The following TAFA2 variants were observed in gnomAD, a reference collection of about 807,000 sequenced individuals.
TAFA2 encodes the protein chemokine-like protein TAFA-2.
TAFA2 carries 7 observed loss-of-function variants against 18.8 expected under a neutral mutation model. The observed-to-expected ratio is 0.37, with a 90% confidence interval of 0.21 to 0.70. The LOEUF (loss-of-function observed/expected upper bound fraction) is 0.70, where lower values mean the gene tolerates loss of function less well. Ranked by LOEUF, TAFA2 falls within the 30% of genes least tolerant of loss-of-function variation. TAFA2 has a pLI of 0.53. For missense variants in TAFA2, 122 were observed against 158.1 expected (o/e 0.77, Z 1.23); for synonymous variants, 60 against 54.2 (o/e 1.11, Z -0.47).
At chr12:62,216,165 A>C (rs2062735170) in intron 1 of TAFA2, among the ~76,000 whole-genome samples, 1 of 152,232 alleles carries the variant, frequency 6.6e-6, no homozygotes, top group Admixed American at 6.5e-5. Flanking sequence ...TAACAAATGG[A>C]GTCTGGCCAA....
chr12:62,080,920 C>T (rs973508836), intron 1 of TAFA2, among the ~76,000 whole-genome samples: 11 of 152,172 alleles, frequency 7.2e-5, no homozygotes, highest in Admixed American at 3.9e-4. Context: ...CCTGGCCAGG[C>T]GCGGTGGCTC....
At chr12:61,926,366 C>T (rs1877293141) in intron 1 of TAFA2, among the ~76,000 whole-genome samples, 1 of 152,176 alleles carries the variant, frequency 6.6e-6, no homozygotes, top group South Asian at 2.1e-4. Context: ...CATCCTGATA[C>T]CAAAACCTGG....
In TAFA2 at chr12:61,925,656, G is replaced by A. The variant is rs570435063; in HGVS notation, c.-1-58230C>T. Among the ~76,000 whole-genome samples the A allele has an allele frequency of 3.3e-5, 5 of 152,196 alleles. No individual in the cohort carries two copies. In the South Asian group the frequency reaches 1.0e-3, roughly 32 times the overall value. On this transcript the variant is annotated intron_variant, in intron 1 of 4. Transcript: ENST00000416284. ...CTAAGTGCCCACAGGAGAAAGCAGG[G>A]AAGATCTGAAATTGACACCAGAATC...
chr12:62,124,324 G>A (rs141939724), intron 1 of TAFA2, among the ~76,000 whole-genome samples: 1 of 150,798 alleles, frequency 6.6e-6, no homozygotes, highest in African/African-American at 2.4e-5. Context: ...GAGTTAAGAA[G>A]TATTACTAAA....
At chr12:61,878,353 G>A (rs1445136881) in intron 1 of TAFA2, among the ~76,000 whole-genome samples, 1 of 152,086 alleles carries the variant, frequency 6.6e-6, no homozygotes, top group Non-Finnish European at 1.5e-5. Context: ...CAGATAAAAT[G>A]GCAAGAGTCG....
intron 2 of TAFA2, among the ~76,000 whole-genome samples, chr12:61,851,543 G>A (rs1191004177): frequency 5.3e-5 from 8 of 151,760 alleles, no homozygotes; most frequent in Admixed American, 3.9e-4. Flanking sequence ...TTGGGAGGCC[G>A]AGGCGGGTGG....
intron 1 of TAFA2, among the ~76,000 whole-genome samples, chr12:62,080,223 G>A (rs1868298040): frequency 2.0e-5 from 3 of 152,162 alleles, no homozygotes; most frequent in Non-Finnish European, 4.4e-5. Context: ...ATGTCAAAGG[G>A]ATATGTATAT....
chr12:61,831,393 T>G (rs183462908), intron 2 of TAFA2, among the ~76,000 whole-genome samples: 19 of 152,114 alleles, frequency 1.2e-4, no homozygotes, highest in Non-Finnish European at 2.8e-4. Flanking sequence ...AGTAGTAAAA[T>G]TCTTTCTTAA....
intron 4 of TAFA2, among the ~76,000 whole-genome samples, chr12:61,740,379 T>A (rs1278331036): frequency 6.6e-6 from 1 of 151,796 alleles, no homozygotes; most frequent in African/African-American, 2.4e-5. Context: ...AAATACCTAA[T>A]GTAGATGATG....
chr12:62,202,169 A>T (rs1288434370), intron 1 of TAFA2, among the ~76,000 whole-genome samples: 1 of 150,940 alleles, frequency 6.6e-6, no homozygotes, highest in East Asian at 1.9e-4. Context: ...TATTTTATTA[A>T]TTTTTTTCAA....
intron 2 of TAFA2, among the ~76,000 whole-genome samples, chr12:61,766,824 T>TA (rs1204961329): frequency 1.3e-5 from 2 of 152,144 alleles, no homozygotes; most frequent in Non-Finnish European, 2.9e-5. Context: ...TTGGAAATTG[T>TA]AAAAACATTT....
chr12:61,752,620 A>T (rs1170508960), intron 4 of TAFA2, among the ~76,000 whole-genome samples: 2 of 152,010 alleles, frequency 1.3e-5, no homozygotes, highest in African/African-American at 4.8e-5. Flanking sequence ...GTTTTTATTC[A>T]TGCCATTTGA....
chr12:61,999,244 T>C (rs1347831733), intron 1 of TAFA2, among the ~76,000 whole-genome samples: 1 of 152,228 alleles, frequency 6.6e-6, no homozygotes, highest in East Asian at 1.9e-4. Flanking sequence ...AATGGTCTCA[T>C]GTCCCATACG....
intron 1 of TAFA2, among the ~76,000 whole-genome samples, chr12:62,033,973 A>G (rs1881531995): frequency 6.6e-6 from 1 of 152,222 alleles, no homozygotes; most frequent in Non-Finnish European, 1.5e-5. Flanking sequence ...AAAATGGCTG[A>G]ATCTTGGCAA....
intron 4 of TAFA2, among the ~76,000 whole-genome samples, chr12:61,723,396 C>T (rs145434689): frequency 1.9e-4 from 29 of 151,912 alleles, no homozygotes; most frequent in Admixed American, 3.3e-4. Flanking sequence ...TAAATGAACA[C>T]GTGAATGAAT....
intron 1 of TAFA2, among the ~76,000 whole-genome samples, chr12:62,231,614 T>C (rs1263232852): frequency 6.6e-6 from 1 of 152,222 alleles, no homozygotes; most frequent in Non-Finnish European, 1.5e-5. Flanking sequence ...TTTTGTTACA[T>C]GTTTTTTGTT....
At chr12:61,888,195 A>G (rs1021338691) in intron 1 of TAFA2, among the ~76,000 whole-genome samples, 3 of 152,210 alleles carry the variant, frequency 2.0e-5, no homozygotes, top group East Asian at 3.9e-4. Context: ...ATCTAGAACT[A>G]GAAATACCAT....
At chr12:62,214,731 G>A (rs1395263428) in intron 1 of TAFA2, among the ~76,000 whole-genome samples, 1 of 152,052 alleles carries the variant, frequency 6.6e-6, no homozygotes, top group East Asian at 1.9e-4. Context: ...CAAATAAAAA[G>A]GCCTTGGAAA....
chr12:62,133,419 T>G (rs1870767383), intron 1 of TAFA2, among the ~76,000 whole-genome samples: 1 of 151,934 alleles, frequency 6.6e-6, no homozygotes, highest in African/African-American at 2.4e-5. Context: ...GGAACCCTCT[T>G]TCCTTTTGGA....
Sources: gnomAD v4.1 joint callset for allele counts (sites outside exome capture counted in the v4.1 genomes callset) on GRCh38, gnomAD v4.1.1 for gene constraint, MANE v1.5 for transcripts, NCBI Gene and HGNC (gene_info 2026-07-23, HGNC 2026-07-21) for gene names.